TACC2: variants seen among roughly 807,000 people sequenced by gnomAD.
TACC2 encodes transforming acidic coiled-coil-containing protein 2.
In TACC2, 137 loss-of-function variants were observed where a neutral mutation model predicts 227.3. The observed-to-expected ratio is 0.60, with a 90% CI of 0.52 to 0.69. The LOEUF (loss-of-function observed/expected upper bound fraction) is 0.69. Among genes scored for constraint, TACC2 ranks in the 30% least tolerant of loss-of-function variants. TACC2 has a pLI of 0.00. For missense variants in TACC2, 3,470 were observed against 3,694.4 expected (o/e 0.94, Z 1.57); for synonymous variants, 1,523 against 1,487.5 (o/e 1.02, Z -0.55).
intron 7 of TACC2, among the ~76,000 whole-genome samples, chr10:122,176,715 T>C (rs1199855163): frequency 1.3e-5 from 2 of 152,122 alleles, no homozygotes; most frequent in East Asian, 3.9e-4. Flanking sequence ...ATGTGGGAGA[T>C]GGAAAACTGG....
intron 7 of TACC2, among the ~76,000 whole-genome samples, chr10:122,181,039 C>T (rs1321354844): frequency 3.3e-5 from 5 of 152,252 alleles, no homozygotes; most frequent in South Asian, 2.1e-4. Flanking sequence ...CCACCGCGCC[C>T]GGCCAAGAGG....
intron 5 of TACC2, among the ~76,000 whole-genome samples, chr10:122,110,485 A>C (rs4317920): frequency 0.83 from 126,724 of 152,090 alleles, 53,850 homozygotes; most frequent in East Asian, 0.98. Context: ...GAGGCTCAGT[A>C]CTGTATGATA....
chr10:122,021,919 C>A lies in TACC2; in HGVS notation c.-45-18C>A. 6.7e-7 allele frequency: 1 copy of A among 1,482,646 alleles called. No homozygotes were observed. The highest frequency in any genetic ancestry group is 9.4e-7 in the Non-Finnish European group (1 of 1,060,540). The allele number at this position is 1,482,646 out of a possible 1,614,324, so 91.8% of individuals were successfully genotyped here. On this transcript the variant is annotated intron_variant, in intron 1 of 22. Coordinates refer to ENST00000369005, the MANE Select transcript of TACC2 (RefSeq NM_206862.4). ...TTTTTTCATTTCACAGACGTTTATACCCTTTTGTTTCTTCCAGTCACCTCT... is the reference window on the plus strand; with the variant it reads ...TTTTTTCATTTCACAGACGTTTATAACCTTTTGTTTCTTCCAGTCACCTCT...
intron 1 of TACC2, among the ~76,000 whole-genome samples, chr10:121,991,612 T>A (rs1308319054): frequency 6.6e-6 from 1 of 152,252 alleles, no homozygotes; most frequent in African/African-American, 2.4e-5. Flanking sequence ...GCACTCACAC[T>A]GTTGCTGTAT....
chr10:122,239,885 C>T (rs543146256), intron 18 of TACC2, among the ~76,000 whole-genome samples: 1 of 152,208 alleles, frequency 6.6e-6, no homozygotes, highest in South Asian at 2.1e-4. Flanking sequence ...CACTCCGGGG[C>T]ATCTTACTTA....
At position 122,148,097 on chromosome 10, in the gene TACC2, A is replaced by ATTTT. The variant is rs1172285538; in HGVS notation, c.5834+4412_5834+4415dup. The stretch of plus-strand genomic sequence containing the variant: ...CGTTATTCACCCAGGCTGAGCCAGA[A>ATTTT]TTTTTTTTTTTTTTTTTTTTTTTTA... On this transcript the variant is annotated intron_variant, in intron 7 of 22. Coordinates refer to ENST00000369005, the MANE Select transcript of TACC2 (RefSeq NM_206862.4). 6.1e-5 allele frequency among the ~76,000 whole-genome samples: 8 copies of ATTTT among 131,440 alleles called. 1 individual carries two copies. Among genetic ancestry groups the ATTTT allele is most frequent in the East Asian group, 2.1e-4 (1 of 4,748 alleles). 86.2% of individuals were successfully genotyped at this position (131,440 alleles called of 152,430 possible).
At chr10:121,990,440 A>G (rs770224347) in intron 1 of TACC2, among the ~76,000 whole-genome samples, 4 of 152,164 alleles carry the variant, frequency 2.6e-5, no homozygotes, top group Non-Finnish European at 4.4e-5. Flanking sequence ...ATCAGGATAT[A>G]GGAAAGGTTT....
intron 2 of TACC2, among the ~76,000 whole-genome samples, chr10:122,028,128 C>T (rs1958335256): frequency 9.1e-6 from 1 of 110,094 alleles, no homozygotes; most frequent in Non-Finnish European, 1.7e-5. Flanking sequence ...CACTCTGTCA[C>T]CCAGACTGGA....
Position 122,132,690 on chromosome 10 carries a change from C to T in TACC2, c.5655C>T (p.His1885=), listed in dbSNP as rs757804259. 2.0e-5 allele frequency: 32 copies of T among 1,614,064 alleles called. No homozygotes were observed. Among genetic ancestry groups the T allele is most frequent in the African/African-American group, 1.5e-4 (11 of 74,926 alleles). Reference sequence around the variant, plus strand: ...CAACCTTAGCTGCCTCTTCCTACCACGGTGATGTTGTTGGCCAGGTCTCTA... The same window carrying T: ...CAACCTTAGCTGCCTCTTCCTACCATGGTGATGTTGTTGGCCAGGTCTCTA... The part of the protein sequence containing the change: ...ESPTLAASSY[H]GDVVGQVSTD... Residue 1885 remains histidine (H), a synonymous_variant, in exon 6 of 23, where the codon CAC becomes CAT. Transcript: ENST00000369005.
chr10:122,158,451 G>A (rs916578978), intron 7 of TACC2, among the ~76,000 whole-genome samples: 1 of 152,094 alleles, frequency 6.6e-6, no homozygotes, highest in Non-Finnish European at 1.5e-5. Context: ...AGTCTCATCT[G>A]TGTTTACTGA....
At chr10:122,046,814 T>G (rs2075058847) in intron 2 of TACC2, among the ~76,000 whole-genome samples, 1 of 152,148 alleles carries the variant, frequency 6.6e-6, no homozygotes, top group Admixed American at 6.6e-5. Flanking sequence ...ATCTTGTGAT[T>G]GAAAGGGGGG....
chr10:122,236,326 A>G (rs918192618), intron 16 of TACC2, among the ~76,000 whole-genome samples: 3 of 152,024 alleles, frequency 2.0e-5, no homozygotes, highest in African/African-American at 7.2e-5. Context: ...TTCTTCTCAT[A>G]ATTTCCCAAG....
Position 122,143,657 on chromosome 10 carries a change from G to C in TACC2, c.5785G>C (p.Val1929Leu). 6.2e-7 allele frequency: 1 copy of C among 1,614,188 alleles called. No homozygotes were observed. Among genetic ancestry groups the C allele is most frequent in the South Asian group, 1.1e-5 (1 of 91,082 alleles). ...GCCATCTGCCCCAGCTGGTGACAGA[G>C]TAGAAGCTTCCACTCCCTCCTGCCC... ...VSPSAPAGDR[V>L]EASTPSCPDP... Residue 1929 changes from valine (V) to leucine (L), a missense_variant, in exon 7 of 23, where the codon GTA becomes CTA. Coordinates refer to ENST00000369005, the MANE Select transcript of TACC2 (RefSeq NM_206862.4).
intron 7 of TACC2, chr10:122,163,432 G>T (rs1382199078): frequency 8.8e-6 from 3 of 339,450 alleles, no homozygotes; most frequent in Non-Finnish European, 1.3e-5. Context: ...CAATGCGGGC[G>T]GTCCCGGCGA....
chr10:122,145,423 T>C (rs990767955), intron 7 of TACC2, among the ~76,000 whole-genome samples: 1 of 152,108 alleles, frequency 6.6e-6, no homozygotes, highest in Non-Finnish European at 1.5e-5. Context: ...CTCAAAAGAC[T>C]ACATTCTACA....
chr10:122,166,257 A>G (rs1243144571), intron 7 of TACC2, among the ~76,000 whole-genome samples: 2 of 152,250 alleles, frequency 1.3e-5, no homozygotes, highest in Admixed American at 1.3e-4. Flanking sequence ...GAGTGAAATC[A>G]AAAGATAGAG....
chr10:122,091,082 G>A (rs1379897333), intron 5 of TACC2, among the ~76,000 whole-genome samples: 1 of 152,070 alleles, frequency 6.6e-6, no homozygotes, highest in African/African-American at 2.4e-5. Context: ...ACTGATTATG[G>A]TTTTAACAGC....
intron 1 of TACC2, among the ~76,000 whole-genome samples, chr10:122,000,903 A>G (rs904498053): frequency 2.0e-5 from 3 of 151,948 alleles, no homozygotes; most frequent in African/African-American, 7.3e-5. Context: ...GCTCACTGCA[A>G]CCTCCACCTC....
intron 2 of TACC2, among the ~76,000 whole-genome samples, chr10:122,030,924 C>T (rs1958863681): frequency 6.6e-6 from 1 of 151,964 alleles, no homozygotes; most frequent in Non-Finnish European, 1.5e-5. Context: ...GCTTCTGCCT[C>T]CATAATGCTC....
Sources: gnomAD v4.1 joint callset for allele counts (sites outside exome capture counted in the v4.1 genomes callset) on GRCh38, gnomAD v4.1.1 for gene constraint, MANE v1.5 for transcripts, NCBI Gene and HGNC (gene_info 2026-07-23, HGNC 2026-07-21) for gene names.